EXOC2: variants seen among roughly 807,000 people sequenced by gnomAD.
The protein encoded by EXOC2 is exocyst complex component 2.
EXOC2 carries 70 observed loss-of-function variants against 131.8 expected under a neutral mutation model. The ratio of observed to expected loss-of-function variants is 0.53; its 90% CI spans 0.44 to 0.65. EXOC2 has a LOEUF of 0.65. Ranked by LOEUF, EXOC2 falls within the 30% of genes least tolerant of loss-of-function variation. The probability of loss-of-function intolerance (pLI) is 0.00; values close to 1 mark genes in which losing one functional copy is unlikely to be tolerated. For synonymous variants in EXOC2, 411 were observed against 398.4 expected (o/e 1.03, Z -0.38); for missense variants, 923 against 1,108.6 (o/e 0.83, Z 2.38).
rs745418792 is a variant in EXOC2 at position 549,198 on chromosome 6, G to T, written c.2215C>A (p.Gln739Lys). 3 of 1,614,012 alleles carry T rather than the reference G, an allele frequency of 1.9e-6. No individual in the cohort carries two copies. The South Asian group carries it at 3.3e-5, about 18-fold the overall frequency. Residue 739 changes from glutamine to lysine, a missense_variant, in exon 22 of 28, where the codon CAG becomes AAG. Physicochemically the swap from Gln to Lys is moderately conservative, Grantham distance 53 (BLOSUM62 1). Coordinates refer to ENST00000230449, the MANE Select transcript of EXOC2 (RefSeq NM_018303.6). ...ACCTGTGTGATTTTTTCTATTCCCT[G>T]GAAGTTGTGCTTTTCAAAATGTTCT... ...IAEHFEKHNF[Q>K]GIEKITQVSM...
In EXOC2 at chr6:489,012, G is replaced by T. The variant is rs771285768; in HGVS notation, c.2648C>A (p.Ala883Asp). ...SKSSFKQALEALPQLSSGADK... is the reference protein window; with the variant it reads ...SKSSFKQALEDLPQLSSGADK... The stretch of plus-strand genomic sequence containing the variant: ...TGCTCCACTGGAAAGCTGGGGCAGG[G>T]CTTCCAAAGCCTGCTTAAAACTTGA... Residue 883 changes from alanine (A) to aspartate (D), a missense_variant, in exon 27 of 28, where the codon GCC (alanine) becomes GAC (aspartate). By Grantham distance (126) the Ala-to-Asp change is moderately radical. Coordinates refer to ENST00000230449, the MANE Select transcript of EXOC2 (RefSeq NM_018303.6). The T allele has an allele frequency of 6.2e-7, 1 of 1,613,962 alleles. No individual in the cohort carries two copies. Among genetic ancestry groups the T allele is most frequent in the Admixed American group, 1.7e-5 (1 of 60,014 alleles).
At chr6:669,128 C>T (rs1485433166) in intron 1 of EXOC2, 2 of 152,288 alleles carry the variant, frequency 1.3e-5, no homozygotes, top group Non-Finnish European at 2.9e-5. Context: ...GCACCATGTC[C>T]TTGGACTCCA....
intron 22 of EXOC2, among the ~76,000 whole-genome samples, chr6:539,284 G>A (rs368566830): frequency 2.6e-5 from 4 of 152,160 alleles, no homozygotes; most frequent in African/African-American, 4.8e-5. Context: ...AGTAAAAGGC[G>A]TATGCTGGAG....
Position 491,653 on chromosome 6 carries a change from C to G in EXOC2, c.2560-467G>C, listed in dbSNP as rs1466176575. ...TTAATCTCAAAACCTAAACTCTGCT[C>G]TATGGATTCAATGCAATCTCTATTA... On this transcript the variant is annotated intron_variant, in intron 25 of 27. Transcript: ENST00000230449. 4.6e-5 allele frequency among the ~76,000 whole-genome samples: 7 copies of G among 152,344 alleles called. No homozygotes were observed. In the South Asian group the frequency reaches 1.5e-3, roughly 32 times the overall value.
intron 23 of EXOC2, among the ~76,000 whole-genome samples, chr6:508,347 G>A (rs1040564711): frequency 6.6e-6 from 1 of 152,136 alleles, no homozygotes; most frequent in Non-Finnish European, 1.5e-5. Flanking sequence ...GTCAATTTTG[G>A]TGGTGTACAT....
chr6:558,157 A>G (rs1196134525), intron 17 of EXOC2, among the ~76,000 whole-genome samples: 1 of 152,216 alleles, frequency 6.6e-6, no homozygotes, highest in Admixed American at 6.5e-5. Flanking sequence ...AAAGGAAGTG[A>G]CATCTATATA....
In EXOC2 at chr6:494,785, T is replaced by C. The variant is rs535645933; in HGVS notation, c.2559+2582A>G. On this transcript the variant is annotated intron_variant, in intron 25 of 27. Transcript: ENST00000230449. ...TATCAGTAATTTATTCTCTTTAATG[T>C]GGAATAGTATTTGACTGTATGAATA... is the stretch of plus-strand genomic sequence containing the variant. Among the ~76,000 whole-genome samples, 278 of 152,354 alleles carry C rather than the reference T, an allele frequency of 1.8e-3. 1 individual carries two copies. The highest frequency in any genetic ancestry group is 6.3e-3 in the African/African-American group (264 of 41,584).
At chr6:583,866 T>TGA (rs971360079) in intron 11 of EXOC2, among the ~76,000 whole-genome samples, 1 of 152,198 alleles carries the variant, frequency 6.6e-6, no homozygotes, top group Non-Finnish European at 1.5e-5. Context: ...ACCCCAGTGC[T>TGA]GAGCTGCAGG....
chr6:639,935 A>G (rs1762281681), intron 1 of EXOC2, among the ~76,000 whole-genome samples: 1 of 152,210 alleles, frequency 6.6e-6, no homozygotes, highest in African/African-American at 2.4e-5. Context: ...TCAAAGGGAA[A>G]GGGAGGATAG....
chr6:551,662 A>G (rs1301153637), intron 21 of EXOC2, among the ~76,000 whole-genome samples: 2 of 152,144 alleles, frequency 1.3e-5, no homozygotes, highest in Non-Finnish European at 2.9e-5. Flanking sequence ...CAGCAAGGGG[A>G]AGACTCCAGC....
chr6:544,132 G>C (rs966150980), intron 22 of EXOC2, among the ~76,000 whole-genome samples: 3 of 152,220 alleles, frequency 2.0e-5, no homozygotes, highest in African/African-American at 7.2e-5. Flanking sequence ...TACCCAACTG[G>C]AGAACCAGCT....
chr6:576,465 C>T (rs1425337639), intron 12 of EXOC2, among the ~76,000 whole-genome samples: 1 of 152,022 alleles, frequency 6.6e-6, no homozygotes, highest in African/African-American at 2.4e-5. Flanking sequence ...TTTTCTGTGG[C>T]ACTTTAAAAA....
rs777533453 is a variant in EXOC2, at chr6:599,229, T to G, written c.743-4A>C. The G allele has an allele frequency of 4.5e-6, 7 of 1,539,762 alleles. No individual in the cohort carries two copies. The highest frequency in any genetic ancestry group is 1.7e-4 in the Middle Eastern group (1 of 5,792). ...GTGTCTGCAGTATTACTTGCTCCTG[T>G]TTTAAAAAGAGGAAAGGAAACTTAG... On this transcript the variant is annotated splice_region_variant and splice_polypyrimidine_tract_variant and intron_variant, in intron 7 of 27. Coordinates refer to ENST00000230449, the MANE Select transcript of EXOC2 (RefSeq NM_018303.6).
chr6:564,259 C>T, intron 15 of EXOC2, 105 bp from the exon 16 acceptor site: 2 of 1,472,796 alleles, frequency 1.4e-6, no homozygotes, highest in Non-Finnish European at 1.8e-6. Context: ...TTACGAGCTA[C>T]AGCATTAGGC....
At position 569,110 on chromosome 6, in the gene EXOC2, T is replaced by C. The variant is rs567161212; in HGVS notation, c.1443+3410A>G. On this transcript the variant is annotated intron_variant, in intron 13 of 27. Transcript: ENST00000230449. ...ATCTAATTTTGGAATATGTAAGGCA[T>C]TTTAATTTATATATTATTGAGTTAT... Among the ~76,000 whole-genome samples, 9 of 152,362 alleles carry C rather than the reference T, an allele frequency of 5.9e-5. No individual in the cohort carries two copies. In the South Asian group the frequency reaches 1.9e-3, roughly 32 times the overall value.
At position 499,707 on chromosome 6, in the gene EXOC2, T is replaced by G; in HGVS notation, c.2381-7A>C. On this transcript the variant is annotated splice_polypyrimidine_tract_variant and splice_region_variant and intron_variant, in intron 23 of 27. Transcript: ENST00000230449. ...TTTAAATAGTTTCTGACACCTGAAA[T>G]TGAAATAAAGGAGAGAAAGAAGGCA... 1.2e-6 allele frequency: 2 copies of G among 1,612,766 alleles called. No homozygotes were observed. The highest frequency in any genetic ancestry group is 1.7e-6 in the Non-Finnish European group (2 of 1,178,964).
chr6:688,431 T>C (rs1197069005), intron 1 of EXOC2, among the ~76,000 whole-genome samples: 1 of 152,140 alleles, frequency 6.6e-6, no homozygotes, highest in Non-Finnish European at 1.5e-5. Context: ...AGGCAGATGC[T>C]ACAGAACAAC....
intron 23 of EXOC2, among the ~76,000 whole-genome samples, chr6:520,997 C>T (rs1460904994): frequency 4.6e-5 from 7 of 151,580 alleles, no homozygotes; most frequent in African/African-American, 2.4e-5. Flanking sequence ...CGATACTCAC[C>T]GTCCACACTC....
intron 21 of EXOC2, among the ~76,000 whole-genome samples, chr6:552,024 T>C (rs1757170538): frequency 6.6e-6 from 1 of 152,194 alleles, no homozygotes; most frequent in South Asian, 2.1e-4. Flanking sequence ...ACAGAGTGCC[T>C]TGGCGGCTCT....
Sources: gnomAD v4.1 joint callset for allele counts (sites outside exome capture counted in the v4.1 genomes callset) on GRCh38, gnomAD v4.1.1 for gene constraint, MANE v1.5 for transcripts, NCBI Gene and HGNC (gene_info 2026-07-23, HGNC 2026-07-21) for gene names.